Variants in SEC16B observed in about 807,000 individuals in gnomAD.
SEC16B encodes SEC16 homolog B, endoplasmic reticulum export factor.
A neutral mutation model predicts 141.8 loss-of-function variants in SEC16B; 115 were observed. The ratio of observed to expected loss-of-function variants is 0.81; its 90% CI spans 0.70 to 0.95. SEC16B has a LOEUF of 0.95. Ranked by LOEUF, SEC16B falls within the 40% of genes least tolerant of loss-of-function variation. The pLI, the probability that SEC16B is intolerant of heterozygous loss-of-function variation, is 0.00. For synonymous variants in SEC16B, 493 were observed against 492.5 expected (o/e 1.00, Z -0.01); for missense variants, 1,291 against 1,312.3 (o/e 0.98, Z 0.25).
chr1:177,935,494 T>G (rs1650766355), intron 20 of SEC16B, among the ~76,000 whole-genome samples: 1 of 152,210 alleles, frequency 6.6e-6, no homozygotes. Flanking sequence ...TGTATATGTG[T>G]ATAATGTATA....
chr1:177,978,774 G>C (rs80123481), intron 1 of SEC16B, among the ~76,000 whole-genome samples: 5,647 of 152,074 alleles, frequency 0.037, 152 homozygotes, highest in South Asian at 0.054. Flanking sequence ...TTTCTAGGCT[G>C]TTCAGAGTAT....
upstream of SEC16B, among the ~76,000 whole-genome samples, chr1:177,971,047 C>A (rs755495621): frequency 1.3e-5 from 2 of 151,688 alleles, no homozygotes; most frequent in African/African-American, 4.8e-5. Context: ...AACCCAGCAA[C>A]TGAGCATAGA....
intron 15 of SEC16B, among the ~76,000 whole-genome samples, chr1:177,942,930 A>G (rs1484682270): frequency 6.6e-6 from 1 of 152,158 alleles, no homozygotes; most frequent in Non-Finnish European, 1.5e-5. Flanking sequence ...CTTGGTTGTT[A>G]TGGAGATTAA....
At chr1:177,960,448 C>T (rs1359058603) in intron 7 of SEC16B, 45 bp from the exon 8 acceptor site, 8 of 1,349,122 alleles carry the variant, frequency 5.9e-6, no homozygotes, top group Non-Finnish European at 8.4e-6. Context: ...TGTGGCCACC[C>T]TAGGCCCCTT....
upstream of SEC16B, among the ~76,000 whole-genome samples, chr1:177,972,123 T>G (rs1557995780): frequency 6.6e-6 from 1 of 152,224 alleles, no homozygotes; most frequent in African/African-American, 2.4e-5. Flanking sequence ...GCTTATTTTG[T>G]GACATCCCAA....
intron 20 of SEC16B, among the ~76,000 whole-genome samples, chr1:177,935,958 A>T (rs2101906293): frequency 6.6e-6 from 1 of 152,318 alleles, no homozygotes; most frequent in East Asian, 1.9e-4. Context: ...AAAACAAGGA[A>T]ATATCAACAG....
In SEC16B at chr1:177,967,783, G is replaced by A; in HGVS notation, c.199C>T (p.Gln67Ter). The change falls in exon 2 of 26, where the codon CAG (glutamine) becomes TAG (stop). Residue 67 changes from glutamine to a stop codon, truncating the protein, a stop_gained. Coordinates refer to ENST00000308284, the MANE Select transcript of SEC16B (RefSeq NM_033127.4). LOFTEE classifies it high-confidence loss of function. ...CTGGATGCATAATGGGGCTGCTGCT[G>A]ATGGTCTGCCCTGGGCTCCTGCTGT... is the stretch of plus-strand genomic sequence containing the variant. ...QPQQEPRADHQQQPHYASRPG... is the reference protein window; with the variant it reads ...QPQQEPRADH The A allele has an allele frequency of 6.2e-7, 1 of 1,614,044 alleles. No individual in the cohort carries two copies. Among genetic ancestry groups the A allele is most frequent in the South Asian group, 1.1e-5 (1 of 91,086 alleles).
rs554995230 is a variant in SEC16B, at chr1:177,946,490, T to C, written c.1705A>G (p.Met569Val). The change falls in exon 14 of 26, where the codon ATG becomes GTG. Residue 569 changes from methionine (M) to valine (V), a missense_variant. Around this residue, in one of 3 missense-constraint regions of SEC16B, gnomAD observed 605 missense variants for 614.1 expected, o/e 0.99. Transcript: ENST00000308284. ...TAGTGGCCAAAGGGCACGTGAGCCATGAGATAGCAGAAGTGAGCTGCCTCC... is the reference window on the plus strand; with the variant it reads ...TAGTGGCCAAAGGGCACGTGAGCCACGAGATAGCAGAAGTGAGCTGCCTCC... ...LVEAAHFCYL[M>V]AHVPFGHYTV... is the part of the protein sequence containing the mutation. 4.8e-5 allele frequency: 76 copies of C among 1,583,790 alleles called. 1 individual carries two copies. In the South Asian group the frequency reaches 6.9e-4, roughly 14 times the overall value.
At position 177,944,632 on chromosome 1, in the gene SEC16B, T is replaced by C. The variant is rs768492108; in HGVS notation, c.1810A>G (p.Ile604Val). The C allele has an allele frequency of 2.8e-5, 45 of 1,613,744 alleles. No individual in the cohort carries two copies. The highest frequency in any genetic ancestry group is 3.6e-5 in the Non-Finnish European group (43 of 1,179,830). The change falls in exon 15 of 26, where the codon ATC becomes GTC. Residue 604 changes from isoleucine to valine, a missense_variant. Ile to Val is a conservative substitution (Grantham distance 29). This residue lies in a region of SEC16B where 605 missense variants were observed against 614.1 expected (regional missense o/e 0.99). Transcript: ENST00000308284. The part of the protein sequence containing the change: ...EFLKFATTEA[I>V]QRTEIFEYCQ... ...TACTCGAAGATTTCCGTCCTCTGGATTGCCTCAGTTGTTGCAAATTTCAAA... is the reference window on the plus strand; with the variant it reads ...TACTCGAAGATTTCCGTCCTCTGGACTGCCTCAGTTGTTGCAAATTTCAAA...
upstream of SEC16B, among the ~76,000 whole-genome samples, chr1:177,973,906 G>A (rs1654060606): frequency 6.6e-6 from 1 of 152,122 alleles, no homozygotes; most frequent in East Asian, 1.9e-4. Flanking sequence ...TGGTAGGTGT[G>A]CTGTTCAAGG....
intron 15 of SEC16B, among the ~76,000 whole-genome samples, chr1:177,942,326 G>A (rs1195116118): frequency 6.6e-6 from 1 of 152,208 alleles, no homozygotes; most frequent in Non-Finnish European, 1.5e-5. Context: ...TTATTGGGTA[G>A]CCCCACATAT....
chr1:177,967,842 T>C lies in SEC16B; in HGVS notation c.140A>G (p.His47Arg). The change falls in exon 2 of 26, where the codon CAC becomes CGC. Residue 47 changes from histidine (H) to arginine (R), a missense_variant. His to Arg is a conservative substitution (Grantham distance 29). This residue lies in a region of SEC16B where 681 missense variants were observed against 675.5 expected (regional missense o/e 1.01). Coordinates refer to ENST00000308284, the MANE Select transcript of SEC16B (RefSeq NM_033127.4). ...PHSWHNGERFHQWQDNRGSPQ... is the reference protein window; with the variant it reads ...PHSWHNGERFRQWQDNRGSPQ... ...GCTCCCACGGTTGTCTTGCCATTGG[T>C]GAAACCTCTCTCCATTGTGCCAAGA... 2 of 1,613,984 alleles carry C rather than the reference T, an allele frequency of 1.2e-6. No individual in the cohort carries two copies. Among genetic ancestry groups the C allele is most frequent in the African/African-American group, 2.7e-5 (2 of 75,048 alleles).
intron 12 of SEC16B, chr1:177,948,533 G>A (rs1277685714): frequency 7.7e-7 from 1 of 1,304,304 alleles, no homozygotes; most frequent in Admixed American, 2.3e-5. Flanking sequence ...CGATGCAGAG[G>A]CAGCAGAATT....
intron 10 of SEC16B, among the ~76,000 whole-genome samples, chr1:177,956,776 C>T (rs1051941088): frequency 3.3e-5 from 5 of 152,142 alleles, no homozygotes; most frequent in African/African-American, 1.2e-4. Flanking sequence ...AGTGCCCATA[C>T]AACCATTCTG....
In SEC16B at chr1:177,983,420, A is replaced by G. The variant is rs539826694; in HGVS notation, c.-59+786T>C. On this transcript the variant is annotated intron_variant and NMD_transcript_variant, in intron 1 of 24. Transcript: ENST00000528461. ...TATCCCCCCACATAGAGAGGTGACA[A>G]TCAAAAATATCTGTTCGTCAATAAG... 4.6e-5 allele frequency among the ~76,000 whole-genome samples: 7 copies of G among 152,208 alleles called. No individual in the cohort carries two copies. In the South Asian group the frequency reaches 1.5e-3, roughly 32 times the overall value.
chr1:177,965,357 A>T (rs1189479822), intron 3 of SEC16B, among the ~76,000 whole-genome samples, 190 bp from the exon 4 acceptor site: 1 of 152,058 alleles, frequency 6.6e-6, no homozygotes, highest in Non-Finnish European at 1.5e-5. Flanking sequence ...TCCCCTCTGA[A>T]CTAGTTAGCA....
Position 177,937,202 on chromosome 1 carries a change from GC to G in SEC16B, c.2503+11del. On this transcript the variant is annotated intron_variant, in intron 19 of 25. Coordinates refer to ENST00000308284, the MANE Select transcript of SEC16B (RefSeq NM_033127.4). The stretch of plus-strand genomic sequence containing the variant: ...TACATTCAATGTGGCCACCCTAGCG[GC>G]CAGGTCTTACCAGGGCCCAGGTGTG... 1 of 1,599,076 alleles carries G rather than the reference GC, an allele frequency of 6.3e-7. No homozygotes were observed. Among genetic ancestry groups the G allele is most frequent in the Admixed American group, 1.7e-5 (1 of 58,864 alleles).
Position 177,967,896 on chromosome 1 carries a change from C to G in SEC16B, c.86G>C (p.Arg29Thr), listed in dbSNP as rs1166034918. The G allele has an allele frequency of 1.2e-6, 2 of 1,613,986 alleles. No individual in the cohort carries two copies. The highest frequency in any genetic ancestry group is 2.2e-5 in the South Asian group (2 of 91,080). The stretch of plus-strand genomic sequence containing the variant: ...AGGGACAGGCCGATGATGTCCATCT[C>G]TCCGAAACCCTCGGTCTGGATCCTT... The part of the protein sequence containing the change: ...PSKDPDRGFR[R>T]DGHHRPVPHS... The change falls in exon 2 of 26, where the codon AGA (arginine) becomes ACA (threonine). Residue 29 changes from arginine to threonine, a missense_variant. Transcript: ENST00000308284.
In SEC16B at chr1:177,932,351, T is replaced by C. The variant is rs1571303756; in HGVS notation, c.3012+139A>G. 1.8e-5 allele frequency: 11 copies of C among 600,104 alleles called. No individual in the cohort carries two copies. In the East Asian group the frequency reaches 2.9e-4, roughly 16 times the overall value. 37.2% of individuals were successfully genotyped at this position (600,104 alleles called of 1,614,324 possible). ...GCCTCTGTTCTGTGGTACTTTGTTA[T>C]GACAGCCTGAGCAAACTAACACAGC... On this transcript the variant is annotated intron_variant, in intron 24 of 25. Coordinates refer to ENST00000308284, the MANE Select transcript of SEC16B (RefSeq NM_033127.4).
Sources: allele counts gnomAD v4.1 joint callset (sites outside exome capture counted in the v4.1 genomes callset), GRCh38; gene constraint gnomAD v4.1.1; regional missense constraint gnomAD v4.1.1; transcripts MANE v1.5; gene names NCBI Gene and HGNC (gene_info 2026-07-23, HGNC 2026-07-21).